DYNC2LI1: variants seen among roughly 807,000 people sequenced by gnomAD.
The protein encoded by DYNC2LI1 is cytoplasmic dynein 2 light intermediate chain 1.
DYNC2LI1 carries 45 observed loss-of-function variants against 51.9 expected under a neutral mutation model. That is an observed-to-expected ratio of 0.87 (90% CI 0.68 to 1.11). The LOEUF (loss-of-function observed/expected upper bound fraction) is 1.11. Ranked by LOEUF, DYNC2LI1 falls within the 50% of genes most tolerant of loss-of-function variation. The pLI, the probability that DYNC2LI1 is intolerant of heterozygous loss-of-function variation, is 0.00. For missense variants in DYNC2LI1, 490 were observed against 417.4 expected, an observed-to-expected ratio of 1.17 and a Z score of -1.51; for synonymous variants, 130 against 137.8, an observed-to-expected ratio of 0.94 and a Z score of 0.40.
At chr2:43,825,757 C>A in the DYNC2LI1 span, among the ~76,000 whole-genome samples, 1 of 152,110 alleles carries the variant, frequency 6.6e-6, no homozygotes, top group East Asian at 1.9e-4. Flanking sequence ...CAGGCGCACA[C>A]CACCACGCCC....
chr2:43,794,852 T>A (rs1673962512), intron 6 of DYNC2LI1: 7 of 1,433,966 alleles, frequency 4.9e-6, no homozygotes, highest in African/African-American at 1.4e-5. Context: ...TTGTTAGACA[T>A]CTTCTGTGAT....
chr2:43,805,060 A>C (rs1249726734), intron 11 of DYNC2LI1, 94 bp from the exon 12 acceptor site: 1 of 772,186 alleles, frequency 1.3e-6, no homozygotes, highest in African/African-American at 1.8e-5. Flanking sequence ...CCTTTGTGGC[A>C]GGCTGAGGAA....
chr2:43,794,734 A>C, intron 6 of DYNC2LI1, 91 bp downstream of exon 6: 1 of 1,600,256 alleles, frequency 6.2e-7, no homozygotes, highest in South Asian at 1.1e-5. Context: ...ATTTTTATGC[A>C]TGACTTGAAA....
chr2:43,785,594 C>T (rs540332402), intron 3 of DYNC2LI1, among the ~76,000 whole-genome samples: 8 of 151,854 alleles, frequency 5.3e-5, no homozygotes, highest in African/African-American at 1.4e-4. Flanking sequence ...ATTGGCCAAG[C>T]GTGGTGGCGG....
At chr2:43,819,878 T>A in the DYNC2LI1 span, 12 of 1,605,654 alleles carry the variant, frequency 7.5e-6, no homozygotes, top group Non-Finnish European at 8.5e-6. Flanking sequence ...AATAACAGAT[T>A]ATCCCAATCT....
intron 5 of DYNC2LI1, among the ~76,000 whole-genome samples, chr2:43,791,076 C>G (rs1006722074): frequency 6.6e-6 from 1 of 152,090 alleles, no homozygotes; most frequent in Non-Finnish European, 1.5e-5. Context: ...ATAAAATTAG[C>G]CAGGCATCAT....
chr2:43,800,598 AATG>A (rs1280811448), intron 8 of DYNC2LI1, among the ~76,000 whole-genome samples: 1 of 152,162 alleles, frequency 6.6e-6, no homozygotes, highest in Non-Finnish European at 1.5e-5. Flanking sequence ...GAGTAGCTGA[AATG>A]ATGAGTACAT....
chr2:43,787,924 T>G lies in DYNC2LI1; in HGVS notation c.231+674T>G, dbSNP rs112913875. On this transcript the variant is annotated intron_variant, in intron 4 of 12. Transcript: ENST00000260605. ...TTTTTATACACTGACTTAGTCCAAA[T>G]ATTTCCTCATTAGACAGTGTATAAA... 6.4e-3 allele frequency among the ~76,000 whole-genome samples: 978 copies of G among 152,294 alleles called. 11 individuals carry two copies. The highest frequency in any genetic ancestry group is 0.022 in the African/African-American group (914 of 41,546).
chr2:43,805,935 G>A (rs1436557300), intron 12 of DYNC2LI1, among the ~76,000 whole-genome samples: 2 of 151,088 alleles, frequency 1.3e-5, no homozygotes, highest in East Asian at 3.9e-4. Flanking sequence ...AGGCTGGAGT[G>A]CAGTGGCATG....
chr2:43,826,428 C>T, the DYNC2LI1 span: 18 of 1,613,948 alleles, frequency 1.1e-5, no homozygotes, highest in South Asian at 7.7e-5. Flanking sequence ...AACCACAATT[C>T]GGTTCCTGCG....
intron 6 of DYNC2LI1, chr2:43,794,883 A>G: frequency 7.2e-7 from 1 of 1,395,274 alleles, no homozygotes; most frequent in East Asian, 2.6e-5. Flanking sequence ...TATTACACCA[A>G]TCAGAGAAAT....
the DYNC2LI1 span, among the ~76,000 whole-genome samples, chr2:43,816,735 A>G: frequency 6.6e-6 from 1 of 152,284 alleles, no homozygotes; most frequent in African/African-American, 2.4e-5. Flanking sequence ...TTAAATGGGA[A>G]AAAAAGTATG....
rs1156662632 is a variant in DYNC2LI1 at position 43,809,890 on chromosome 2, C to A, written c.*123C>A. On this transcript the variant is annotated 3_prime_UTR_variant, in exon 13 of 13. Coordinates refer to ENST00000260605, the MANE Select transcript of DYNC2LI1 (RefSeq NM_016008.4). ...ACTGTATAATTTGTTAAAGGACAAG[C>A]TGGATTTCTTGGACTAGTGCATCTC... is the stretch of plus-strand genomic sequence containing the variant. 2.0e-5 allele frequency: 28 copies of A among 1,433,386 alleles called. No homozygotes were observed. The highest frequency in any genetic ancestry group is 2.5e-5 in the Non-Finnish European group (27 of 1,094,966). 88.8% of individuals were successfully genotyped at this position (1,433,386 alleles called of 1,614,324 possible). A position where few individuals can be genotyped will look rare whatever the true frequency, so the allele number is the denominator to read the frequency against.
At chr2:43,787,760 C>T (rs934490273) in intron 4 of DYNC2LI1, among the ~76,000 whole-genome samples, 4 of 151,974 alleles carry the variant, frequency 2.6e-5, no homozygotes, top group African/African-American at 9.7e-5. Flanking sequence ...ATAGTATATG[C>T]TGGCAGGGGG....
At chr2:43,826,571 C>A in the DYNC2LI1 span, 6 of 1,613,534 alleles carry the variant, frequency 3.7e-6, no homozygotes, top group Non-Finnish European at 5.1e-6. Flanking sequence ...AGCCCAGGCT[C>A]TGTGCTTAAA....
chr2:43,823,256 T>C, the DYNC2LI1 span, among the ~76,000 whole-genome samples: 1 of 152,104 alleles, frequency 6.6e-6, no homozygotes, highest in Non-Finnish European at 1.5e-5. Context: ...TTTGTCTTCT[T>C]TCTGTGCAGG....
downstream of DYNC2LI1, among the ~76,000 whole-genome samples, chr2:43,811,224 A>G (rs1329581186): frequency 1.3e-5 from 2 of 152,210 alleles, no homozygotes; most frequent in Non-Finnish European, 2.9e-5. Context: ...AACTGATGTG[A>G]CATATATAAT....
chr2:43,780,001 A>G (rs1673200218), intron 2 of DYNC2LI1, among the ~76,000 whole-genome samples: 1 of 152,176 alleles, frequency 6.6e-6, no homozygotes, highest in Non-Finnish European at 1.5e-5. Context: ...TTTAACAGAG[A>G]TGATTGTAAT....
At chr2:43,824,327 T>G in the DYNC2LI1 span, 1 of 1,614,190 alleles carries the variant, frequency 6.2e-7, no homozygotes, top group Non-Finnish European at 8.5e-7. Flanking sequence ...CTTCAAAGTT[T>G]TATGACAAAT....
Sources: allele counts gnomAD v4.1 joint callset (sites outside exome capture counted in the v4.1 genomes callset), GRCh38; gene constraint gnomAD v4.1.1; transcripts MANE v1.5; gene names NCBI Gene and HGNC (gene_info 2026-07-23, HGNC 2026-07-21).